CNTNAP2: variants seen among roughly 807,000 people sequenced by gnomAD.
The protein encoded by CNTNAP2 is contactin-associated protein-like 2.
A neutral mutation model predicts 155.2 loss-of-function variants in CNTNAP2; 98 were observed. That is an observed-to-expected ratio of 0.63 (90% CI 0.54 to 0.75). The LOEUF (loss-of-function observed/expected upper bound fraction) is 0.75, where lower values mean the gene tolerates loss of function less well. CNTNAP2 is among the 30% of genes least tolerant of loss of function. CNTNAP2 has a pLI of 0.00. For synonymous variants in CNTNAP2, 651 were observed against 631.2 expected (o/e 1.03, Z -0.47); for missense variants, 1,727 against 1,688.1 (o/e 1.02, Z -0.40).
At chr7:147,389,517 T>C (rs1425261069) in intron 9 of CNTNAP2, among the ~76,000 whole-genome samples, 1 of 152,220 alleles carries the variant, frequency 6.6e-6, no homozygotes, top group East Asian at 1.9e-4. Flanking sequence ...TATTTCTGAA[T>C]TAAAATTTTA....
intron 1 of CNTNAP2, among the ~76,000 whole-genome samples, chr7:146,464,023 C>T (rs1796678250): frequency 6.6e-6 from 1 of 151,956 alleles, no homozygotes; most frequent in Non-Finnish European, 1.5e-5. Context: ...TGTGTTTGAT[C>T]CTGCTATTAT....
intron 3 of CNTNAP2, among the ~76,000 whole-genome samples, chr7:146,849,593 A>G (rs753720556): frequency 4.6e-5 from 7 of 152,172 alleles, no homozygotes; most frequent in Non-Finnish European, 8.8e-5. Flanking sequence ...TCAACCTACT[A>G]TGGGTCTTAG....
At chr7:146,721,483 CTATATACATTCTATATATATTCTA>C (rs1563203638) in intron 1 of CNTNAP2, among the ~76,000 whole-genome samples, 21 of 121,262 alleles carry the variant, frequency 1.7e-4, no homozygotes, top group Non-Finnish European at 2.9e-4. Flanking sequence ...TATATATATT[CTATATACATTCTATATATATTCTA>C]TATATACATT....
At chr7:147,578,479 C>G (rs1278948041) in intron 12 of CNTNAP2, among the ~76,000 whole-genome samples, 1 of 151,968 alleles carries the variant, frequency 6.6e-6, no homozygotes, top group African/African-American at 2.4e-5. Flanking sequence ...TGATTGCTCT[C>G]CCATTAACGG....
intron 1 of CNTNAP2, among the ~76,000 whole-genome samples, chr7:146,451,270 T>C (rs950295283): frequency 6.6e-6 from 1 of 152,090 alleles, no homozygotes; most frequent in Non-Finnish European, 1.5e-5. Flanking sequence ...TTCTAAATAA[T>C]TGTAATTGGT....
intron 9 of CNTNAP2, among the ~76,000 whole-genome samples, chr7:147,394,522 T>C (rs1796776963): frequency 6.6e-6 from 1 of 152,006 alleles, no homozygotes. Flanking sequence ...ATTAGTACAG[T>C]TTAAATTTGC....
chr7:146,674,763 G>A (rs1425926898), intron 1 of CNTNAP2, among the ~76,000 whole-genome samples: 2 of 152,118 alleles, frequency 1.3e-5, no homozygotes, highest in African/African-American at 4.8e-5. Flanking sequence ...TTTAATCCCT[G>A]GGTGGCCGGA....
intron 14 of CNTNAP2, among the ~76,000 whole-genome samples, chr7:147,937,749 C>T (rs1005169060): frequency 5.9e-5 from 9 of 152,286 alleles, no homozygotes; most frequent in African/African-American, 2.2e-4. Flanking sequence ...ATCTTTCTCT[C>T]ATTTTCGAAA....
chr7:146,688,856 C>T (rs371263654), intron 1 of CNTNAP2, among the ~76,000 whole-genome samples: 9 of 152,164 alleles, frequency 5.9e-5, no homozygotes, highest in South Asian at 2.1e-4. Flanking sequence ...CAAAACTCTT[C>T]ATCAGTTAGC....
intron 4 of CNTNAP2, among the ~76,000 whole-genome samples, chr7:147,047,089 T>TAGTTA (rs1456395526): frequency 1.3e-4 from 20 of 149,618 alleles, no homozygotes; most frequent in Non-Finnish European, 8.9e-5. Flanking sequence ...TGTCTCATTT[T>TAGTTA]AGTTAAGTTA....
chr7:146,921,338 C>T (rs1796493298), intron 3 of CNTNAP2, among the ~76,000 whole-genome samples: 1 of 152,184 alleles, frequency 6.6e-6, no homozygotes. Context: ...GGATATATGA[C>T]TTGAGATGCG....
At chr7:146,119,917 A>G (rs1797538449) in intron 1 of CNTNAP2, among the ~76,000 whole-genome samples, 1 of 151,946 alleles carries the variant, frequency 6.6e-6, no homozygotes, top group African/African-American at 2.4e-5. Context: ...TATGTTTTAT[A>G]AAAACATTTG....
At chr7:146,936,654 T>C (rs1796921299) in intron 3 of CNTNAP2, among the ~76,000 whole-genome samples, 1 of 152,232 alleles carries the variant, frequency 6.6e-6, no homozygotes, top group Admixed American at 6.5e-5. Flanking sequence ...ATTGAAAACC[T>C]GACTTAGAAG....
At position 148,383,207 on chromosome 7, in the gene CNTNAP2, T is replaced by TTA. The variant is rs1554427395; in HGVS notation, c.3476-442_3476-441insTA. On this transcript the variant is annotated intron_variant, in intron 21 of 23. Transcript: ENST00000361727. ...CTTGTTCTTTTTTTTTTTTTTTTTTTAAAGAATTCTGAAGAAGAAAATAAG... is the reference window on the plus strand; with the variant it reads ...CTTGTTCTTTTTTTTTTTTTTTTTTTTAAAAGAATTCTGAAGAAGAAAATAAG... Among the ~76,000 whole-genome samples, 123 of 148,196 alleles carry TTA rather than the reference T, an allele frequency of 8.3e-4. 2 individuals are homozygous for TTA. Among genetic ancestry groups the TTA allele is most frequent in the Middle Eastern group, 3.4e-3 (1 of 290 alleles).
intron 13 of CNTNAP2, among the ~76,000 whole-genome samples, chr7:147,896,417 C>T (rs116333904): frequency 7.6e-4 from 116 of 152,254 alleles, no homozygotes; most frequent in African/African-American, 2.7e-3. Context: ...GAGTAACTCA[C>T]GCAGAGCCAG....
intron 13 of CNTNAP2, among the ~76,000 whole-genome samples, chr7:147,781,503 G>A (rs1797661485): frequency 6.6e-6 from 1 of 152,220 alleles, no homozygotes; most frequent in Non-Finnish European, 1.5e-5. Flanking sequence ...AAGCTTTGCA[G>A]ATGGTAAAAT....
intron 13 of CNTNAP2, among the ~76,000 whole-genome samples, chr7:147,849,541 G>C (rs187199784): frequency 2.6e-5 from 4 of 152,312 alleles, no homozygotes; most frequent in African/African-American, 9.6e-5. Flanking sequence ...TATCAATTTA[G>C]AGCCAGATAA....
intron 14 of CNTNAP2, among the ~76,000 whole-genome samples, chr7:147,956,906 G>C (rs140654793): frequency 1.4e-4 from 21 of 152,152 alleles, no homozygotes; most frequent in Non-Finnish European, 2.6e-4. Context: ...AAAGTGATAG[G>C]GTTGTCCTGC....
chr7:146,574,005 T>A lies in CNTNAP2; in HGVS notation c.98-200266T>A, dbSNP rs141837455. ...ATTGTTTGTATCTGGAAACTTTGTT[T>A]CTGGATACGCCATTTAACAAGAAAT... On this transcript the variant is annotated intron_variant, in intron 1 of 23. Coordinates refer to ENST00000361727, the MANE Select transcript of CNTNAP2 (RefSeq NM_014141.6). 6.9e-3 allele frequency among the ~76,000 whole-genome samples: 1,045 copies of A among 152,276 alleles called. 16 individuals carry two copies. Among genetic ancestry groups the A allele is most frequent in the African/African-American group, 0.024 (980 of 41,558 alleles).
Sources: gnomAD v4.1 joint callset for allele counts (sites outside exome capture counted in the v4.1 genomes callset) on GRCh38, gnomAD v4.1.1 for gene constraint, MANE v1.5 for transcripts, NCBI Gene and HGNC (gene_info 2026-07-23, HGNC 2026-07-21) for gene names.